Variants in ASB7 observed in about 807,000 individuals in gnomAD.
ASB7 encodes ankyrin repeat and SOCS box containing 7.
A neutral mutation model predicts 32.5 loss-of-function variants in ASB7; 4 were observed. The ratio of observed to expected loss-of-function variants is 0.12; its 90% CI spans 0.06 to 0.28. The LOEUF is 0.28. Among genes scored for constraint, ASB7 ranks in the 10% least tolerant of loss-of-function variants. ASB7 has a pLI of 1.00. For missense variants in ASB7, 181 were observed against 407.1 expected, an observed-to-expected ratio of 0.44 and a Z score of 4.78; for synonymous variants, 172 against 155.6, an observed-to-expected ratio of 1.11 and a Z score of -0.78.
At position 100,605,157 on chromosome 15, in the gene ASB7, A is replaced by G. The variant is rs7165248; in HGVS notation, c.-174+1844A>G. ...ATTTTTTAATAGTTTTTCTAAGATT[A>G]GGGAATATGTGTAAATTGTCAACAT... On this transcript the variant is annotated intron_variant, in intron 2 of 5. Coordinates refer to ENST00000332783, the MANE Select transcript of ASB7 (RefSeq NM_198243.3). Among the ~76,000 whole-genome samples the G allele has an allele frequency of 3.4e-3, 517 of 152,360 alleles. 3 individuals carry two copies. Among genetic ancestry groups the G allele is most frequent in the African/African-American group, 0.011 (469 of 41,582 alleles).
In ASB7 at chr15:100,603,320, A is replaced by G. The variant is rs1448926698; in HGVS notation, c.-174+7A>G. 1 of 263,710 alleles carries G rather than the reference A, an allele frequency of 3.8e-6. No homozygotes were observed. The highest frequency in any genetic ancestry group is 5.4e-5 in the Admixed American group (1 of 18,574). The allele number at this position is 263,710 out of a possible 1,614,324, so 16.3% of individuals were successfully genotyped here. A position where few individuals can be genotyped will look rare whatever the true frequency, so the allele number is the denominator to read the frequency against. On this transcript the variant is annotated splice_region_variant and intron_variant, in intron 2 of 5. Coordinates refer to ENST00000332783, the MANE Select transcript of ASB7 (RefSeq NM_198243.3). ...ACCAGCATCGTCTGTAAAGGTAATG[A>G]GCCAGCCCTCCCCTCCCCCGTTGTT...
At chr15:100,640,424 C>T (rs1423775966) in intron 5 of ASB7, among the ~76,000 whole-genome samples, 1 of 152,096 alleles carries the variant, frequency 6.6e-6, no homozygotes, top group Non-Finnish European at 1.5e-5. Context: ...TGATTATAGG[C>T]GGGAGCCACC....
chr15:100,643,057 CAACA>C (rs902251434), intron 5 of ASB7, among the ~76,000 whole-genome samples: 3 of 152,084 alleles, frequency 2.0e-5, no homozygotes, highest in African/African-American at 7.2e-5. Context: ...AAAACAACAA[CAACA>C]AAAAAGGCTG....
intron 4 of ASB7, among the ~76,000 whole-genome samples, chr15:100,622,619 G>A (rs1365706401): frequency 6.6e-6 from 1 of 152,100 alleles, no homozygotes; most frequent in Non-Finnish European, 1.5e-5. Flanking sequence ...ACAGACCAAT[G>A]GAACAGAGAA....
At chr15:100,607,548 G>C (rs1056374853) in intron 2 of ASB7, among the ~76,000 whole-genome samples, 2 of 152,202 alleles carry the variant, frequency 1.3e-5, no homozygotes, top group Non-Finnish European at 2.9e-5. Flanking sequence ...TCTGGTAAAC[G>C]TTGATGCACT....
intron 5 of ASB7, chr15:100,645,571 C>T (rs2039992203): frequency 1.4e-6 from 1 of 701,548 alleles, no homozygotes; most frequent in South Asian, 1.4e-5. Context: ...TTGAATCCCA[C>T]AGCTTGACGG....
Position 100,650,324 on chromosome 15 carries a change from G to C in ASB7, c.*1862G>C, listed in dbSNP as rs570596065. On this transcript the variant is annotated 3_prime_UTR_variant, in exon 6 of 6. Coordinates refer to ENST00000332783, the MANE Select transcript of ASB7 (RefSeq NM_198243.3). ...CCCTTATGAAGACAGTTGCCAAGCT[G>C]TATTCTCATTCTTTAAACCAATACC... 6.6e-6 allele frequency: 1 copy of C among 152,342 alleles called. No individual in the cohort carries two copies. Among genetic ancestry groups the C allele is most frequent in the African/African-American group, 2.4e-5 (1 of 41,568 alleles). The allele number at this position is 152,342 out of a possible 1,614,324, so 9.4% of individuals were successfully genotyped here. A position where few individuals can be genotyped will look rare whatever the true frequency, so the allele number is the denominator to read the frequency against.
At position 100,629,319 on chromosome 15, in the gene ASB7, A is replaced by G. The variant is rs1279792576; in HGVS notation, c.212-118A>G. ...AGGAAAAACGTACTTGATATTCATT[A>G]CAGTGTTTGGTTGCTTCACATTTTA... On this transcript the variant is annotated intron_variant, in intron 4 of 5. Coordinates refer to ENST00000332783, the MANE Select transcript of ASB7 (RefSeq NM_198243.3). This position sits in a 1 kb window ranked among gnomAD's most constrained non-coding sequence, Gnocchi z 6.8. 19 of 880,602 alleles carry G rather than the reference A, an allele frequency of 2.2e-5. No homozygotes were observed. Among genetic ancestry groups the G allele is most frequent in the Non-Finnish European group, 1.4e-5 (8 of 564,156 alleles). 54.5% of individuals were successfully genotyped at this position (880,602 alleles called of 1,614,324 possible).
chr15:100,606,534 C>T (rs764770343), intron 2 of ASB7, among the ~76,000 whole-genome samples: 10 of 152,154 alleles, frequency 6.6e-5, no homozygotes, highest in African/African-American at 1.7e-4. Context: ...TTATTCTTCA[C>T]GCTGTTCTAT....
intron 5 of ASB7, among the ~76,000 whole-genome samples, chr15:100,634,903 A>AG (rs763117233): frequency 1.4e-4 from 21 of 152,232 alleles, no homozygotes; most frequent in Non-Finnish European, 2.9e-4. Context: ...GTGGAAGGTA[A>AG]GATAGCAGTA....
chr15:100,612,513 T>C, intron 4 of ASB7, 86 bp downstream of exon 4: 1 of 1,251,834 alleles, frequency 8.0e-7, no homozygotes, highest in Non-Finnish European at 1.2e-6. Context: ...TAATTTTTAA[T>C]GCTTCTCTTC....
intron 4 of ASB7, among the ~76,000 whole-genome samples, chr15:100,615,807 C>A (rs6598369): frequency 0.99 from 151,120 of 152,366 alleles, 74,952 homozygotes; most frequent in East Asian, 1. Context: ...CAGTTAATTT[C>A]GTGATAGTTC....
chr15:100,645,787 A>C, intron 5 of ASB7: 4 of 1,561,318 alleles, frequency 2.6e-6, no homozygotes, highest in Non-Finnish European at 3.5e-6. Context: ...TAAACACTTT[A>C]TTTCCTGTAA....
At chr15:100,647,374 C>T (rs2141409753) in intron 5 of ASB7, among the ~76,000 whole-genome samples, 1 of 152,298 alleles carries the variant, frequency 6.6e-6, no homozygotes, top group East Asian at 1.9e-4. Flanking sequence ...TAATACATGT[C>T]ATGAGCTCTT....
intron 4 of ASB7, among the ~76,000 whole-genome samples, chr15:100,626,781 A>C (rs1469778179): frequency 6.6e-6 from 1 of 152,216 alleles, no homozygotes; most frequent in Non-Finnish European, 1.5e-5. Context: ...CAGCAATACA[A>C]AAGAGTGAAC....
rs886074841 is a variant in ASB7, at chr15:100,629,281, T to G, written c.212-156T>G. On this transcript the variant is annotated intron_variant, in intron 4 of 5. Coordinates refer to ENST00000332783, the MANE Select transcript of ASB7 (RefSeq NM_198243.3). This position sits in a 1 kb window ranked among gnomAD's most constrained non-coding sequence, Gnocchi z 6.8. ...AATTTATTTTCCATTAAAACCAGAC[T>G]TGAATTAAACTGAGGAAAAACGTAC... is the stretch of plus-strand genomic sequence containing the variant. Among the ~76,000 whole-genome samples the G allele has an allele frequency of 2.0e-5, 3 of 152,218 alleles. No homozygotes were observed. The highest frequency in any genetic ancestry group is 4.8e-5 in the African/African-American group (2 of 41,458).
chr15:100,629,375 T>C lies in ASB7; in HGVS notation c.212-62T>C. ...GAATTGGCCACAGTTTGCTGTGCCA[T>C]GGTAATGTTTGTTGTTTTGTCTTGG... On this transcript the variant is annotated intron_variant, in intron 4 of 5. Transcript: ENST00000332783. This position sits in a 1 kb window ranked among gnomAD's most constrained non-coding sequence, Gnocchi z 6.8. 7.1e-7 allele frequency: 1 copy of C among 1,417,652 alleles called. No homozygotes were observed. Among genetic ancestry groups the C allele is most frequent in the Non-Finnish European group, 9.7e-7 (1 of 1,029,206 alleles). The allele number at this position is 1,417,652 out of a possible 1,614,324, so 87.8% of individuals were successfully genotyped here.
chr15:100,613,965 A>G (rs2039718929), intron 4 of ASB7, among the ~76,000 whole-genome samples: 1 of 152,166 alleles, frequency 6.6e-6, no homozygotes, highest in Admixed American at 6.5e-5. Flanking sequence ...ACACTATTAC[A>G]TGGACTCATA....
At chr15:100,606,959 C>G (rs1474090084) in intron 2 of ASB7, among the ~76,000 whole-genome samples, 1 of 152,104 alleles carries the variant, frequency 6.6e-6, no homozygotes, top group Non-Finnish European at 1.5e-5. Context: ...TCGAGATCAT[C>G]CTGACTAACA....
Sources: allele counts gnomAD v4.1 joint callset (sites outside exome capture counted in the v4.1 genomes callset), GRCh38; gene constraint gnomAD v4.1.1; non-coding constraint Gnocchi (gnomAD v3.1); transcripts MANE v1.5; gene names NCBI Gene and HGNC (gene_info 2026-07-23, HGNC 2026-07-21).